POLA2: variants seen among roughly 807,000 people sequenced by gnomAD.
POLA2 encodes DNA polymerase alpha subunit B.
In POLA2, 47 loss-of-function variants were observed where a neutral mutation model predicts 82.8. That is an observed-to-expected ratio of 0.57 (90% CI 0.45 to 0.72). The LOEUF (loss-of-function observed/expected upper bound fraction) is 0.72, where lower values mean the gene tolerates loss of function less well. Among genes scored for constraint, POLA2 ranks in the 30% least tolerant of loss-of-function variants. The pLI, the probability that POLA2 is intolerant of heterozygous loss-of-function variation, is 0.00. For missense variants in POLA2, 634 were observed against 728.1 expected (o/e 0.87, Z 1.49); for synonymous variants, 287 against 286.8 (o/e 1.00, Z -0.01).
chr11:65,268,287 T>A (rs1949483620), intron 3 of POLA2, among the ~76,000 whole-genome samples: 1 of 151,668 alleles, frequency 6.6e-6, no homozygotes, highest in South Asian at 2.1e-4. Flanking sequence ...ATAGTAAAAA[T>A]TGCCTAATAT....
At chr11:65,279,392 GA>G (rs1949616142) in intron 6 of POLA2, 145 bp from the exon 7 acceptor site, 1 of 610,806 alleles carries the variant, frequency 1.6e-6, no homozygotes. Flanking sequence ...AAAGGTTTTA[GA>G]AGGTTTAAAC....
chr11:65,268,755 C>T, intron 4 of POLA2, 26 bp downstream of exon 4: 1 of 1,438,722 alleles, frequency 7.0e-7, no homozygotes, highest in Non-Finnish European at 9.5e-7. Flanking sequence ...TTGGACATTG[C>T]ATTTTACAAG....
chr11:65,278,691 A>G lies in POLA2; in HGVS notation c.462-39A>G, dbSNP rs773904163. On this transcript the variant is annotated intron_variant, in intron 5 of 17. Transcript: ENST00000265465. ...ATTTTATTCTTCTCTCCCTTTAGAT[A>G]TGAACACAGTAATATTAACCTGTTT... The G allele has an allele frequency of 2.0e-6, 3 of 1,520,894 alleles. No individual in the cohort carries two copies. In the Admixed American group the frequency reaches 5.3e-5, roughly 27 times the overall value. The allele number at this position is 1,520,894 out of a possible 1,614,324, so 94.2% of individuals were successfully genotyped here.
intron 7 of POLA2, 38 bp from the exon 8 acceptor site, chr11:65,280,952 CAA>C: frequency 1.9e-6 from 3 of 1,600,432 alleles, no homozygotes; most frequent in Non-Finnish European, 2.6e-6. Context: ...GCTCCTGCTC[CAA>C]AGACTGTCAT....
Position 65,287,769 on chromosome 11 carries a change from A to T in POLA2, c.1060A>T (p.Ser354Cys). 1 of 1,613,892 alleles carries T rather than the reference A, an allele frequency of 6.2e-7. No homozygotes were observed. The highest frequency in any genetic ancestry group is 8.5e-7 in the Non-Finnish European group (1 of 1,179,856). The change falls in exon 11 of 18, where the codon AGC becomes TGC. Residue 354 changes from serine to cysteine, a missense_variant. Physicochemically the swap from Ser to Cys is moderately radical, Grantham distance 112. Transcript: ENST00000265465. ...VACGPYTTSDSITYDPLLDLI... is the reference protein window; with the variant it reads ...VACGPYTTSDCITYDPLLDLI... Reference sequence around the variant, plus strand: ...CTGTGGACCATACACCACATCTGACAGCATCACGTATGACCCCCTGCTTGA... The same window carrying T: ...CTGTGGACCATACACCACATCTGACTGCATCACGTATGACCCCCTGCTTGA...
At chr11:65,299,839 C>T (rs1590914401), downstream of POLA2, among the ~76,000 whole-genome samples, 1 of 152,142 alleles carries the variant, frequency 6.6e-6, no homozygotes, top group Non-Finnish European at 1.5e-5. Flanking sequence ...TTACAGGCGC[C>T]TGCCACCACG....
Position 65,278,860 on chromosome 11 carries a change from T to A in POLA2, c.592T>A (p.Cys198Ser), listed in dbSNP as rs1410722464. The change falls in exon 6 of 18, where the codon TGT becomes AGT. Residue 198 changes from cysteine to serine, a missense_variant. Coordinates refer to ENST00000265465, the MANE Select transcript of POLA2 (RefSeq NM_002689.4). ...AAACATCAGCCTGAAGGTCTTGGGA[T>A]GTCCAGAGGCACTAACTGGGAGCTA... ...AGNISLKVLG[C>S]PEALTGSYKS... is the part of the protein sequence containing the mutation. 34 of 1,613,722 alleles carry A rather than the reference T, an allele frequency of 2.1e-5. No individual in the cohort carries two copies. Among genetic ancestry groups the A allele is most frequent in the Non-Finnish European group, 2.9e-5 (34 of 1,180,016 alleles).
At position 65,281,051 on chromosome 11, in the gene POLA2, G is replaced by C. The variant is rs771782918; in HGVS notation, c.804G>C (p.Lys268Asn). Residue 268 changes from lysine (K) to asparagine (N), a missense_variant, in exon 8 of 18, where the codon AAG becomes AAC. Lys to Asn is a moderately conservative substitution (Grantham distance 94). Transcript: ENST00000265465. ...GCDSNGKLNN[K>N]SVILEGDREH... ...ATAGCAACGGGAAGCTGAACAACAA[G>C]TCAGTGATTCTCGAGGGAGACCGGG... is the stretch of plus-strand genomic sequence containing the variant. The C allele has an allele frequency of 1.9e-6, 3 of 1,614,184 alleles. No homozygotes were observed. Among genetic ancestry groups the C allele is most frequent in the Non-Finnish European group, 2.5e-6 (3 of 1,180,018 alleles).
At chr11:65,265,240 G>A (rs114778641) in intron 1 of POLA2, among the ~76,000 whole-genome samples, 143 of 151,206 alleles carry the variant, frequency 9.5e-4, no homozygotes, top group African/African-American at 3.3e-3. Context: ...AAAAAAAAAG[G>A]GGGGGGGCCT....
chr11:65,271,097 CCTT>C lies in POLA2; in HGVS notation c.354+2369_354+2371del, dbSNP rs780324898. ...TTTTATTTTCTTGCTTTATTTTTCT[CCTT>C]ATTATTCTCTTGCTTTATTACCACC... On this transcript the variant is annotated intron_variant, in intron 4 of 17. Coordinates refer to ENST00000265465, the MANE Select transcript of POLA2 (RefSeq NM_002689.4). 4.6e-5 allele frequency among the ~76,000 whole-genome samples: 7 copies of C among 152,338 alleles called. No individual in the cohort carries two copies. The East Asian group carries it at 1.3e-3, about 29-fold the overall frequency.
Position 65,281,084 on chromosome 11 carries a change from C to G in POLA2, c.837C>G (p.Ser279=). 1 of 1,614,154 alleles carries G rather than the reference C, an allele frequency of 6.2e-7. No homozygotes were observed. The highest frequency in any genetic ancestry group is 8.5e-7 in the Non-Finnish European group (1 of 1,180,014). The change falls in exon 8 of 18, where the codon TCC becomes TCG. Residue 279 remains serine, a synonymous_variant. Coordinates refer to ENST00000265465, the MANE Select transcript of POLA2 (RefSeq NM_002689.4). ...TTCTCGAGGGAGACCGGGAACATTC[C>G]TCGGGTGCTCAAATTCCAGTGGATT... The part of the protein sequence containing the change: ...SVILEGDREH[S]SGAQIPVDLS...
At chr11:65,294,373 C>A in intron 14 of POLA2, 112 bp downstream of exon 14, 4 of 1,009,960 alleles carry the variant, frequency 4.0e-6, no homozygotes, top group Admixed American at 1.9e-5. Flanking sequence ...GTGCGTACAG[C>A]CTGAATCTTA....
Position 65,266,182 on chromosome 11 carries a change from T to G in POLA2, c.80-400T>G, listed in dbSNP as rs371907413. Among the ~76,000 whole-genome samples the G allele has an allele frequency of 6.6e-5, 10 of 152,312 alleles. No homozygotes were observed. The East Asian group carries it at 1.5e-3, about 23-fold the overall frequency. ...CTTCCTGTTGCACAGGCTAAAAATA[T>G]CAGCATCATCCTTGACTTTCTTTTT... On this transcript the variant is annotated intron_variant, in intron 1 of 17. Coordinates refer to ENST00000265465, the MANE Select transcript of POLA2 (RefSeq NM_002689.4).
At chr11:65,302,287 G>A (rs1023008663), downstream of POLA2, among the ~76,000 whole-genome samples, 8 of 152,204 alleles carry the variant, frequency 5.3e-5, no homozygotes, top group African/African-American at 1.9e-4. Context: ...CACCCAAAGA[G>A]TGAGAAAAGC....
At chr11:65,296,948 CAA>C (rs547282942) in intron 17 of POLA2, among the ~76,000 whole-genome samples, 170 bp from the exon 18 acceptor site, 21 of 58,004 alleles carry the variant, frequency 3.6e-4, no homozygotes, top group Admixed American at 2.0e-4. Context: ...GACTCCATCT[CAA>C]AAAAAAAAAA....
intron 1 of POLA2, among the ~76,000 whole-genome samples, chr11:65,264,213 T>C (rs1005100151): frequency 6.6e-6 from 1 of 151,934 alleles, no homozygotes; most frequent in African/African-American, 2.4e-5. Flanking sequence ...GATTACAGGC[T>C]CCCGCCACCA....
intron 14 of POLA2, 111 bp downstream of exon 14, chr11:65,294,372 G>T: frequency 9.9e-7 from 1 of 1,008,692 alleles, no homozygotes; most frequent in African/African-American, 1.6e-5. Flanking sequence ...TGTGCGTACA[G>T]CCTGAATCTT....
Position 65,289,838 on chromosome 11 carries a change from C to A in POLA2, c.1210C>A (p.Gln404Lys), listed in dbSNP as rs768561220. The change falls in exon 13 of 18, where the codon CAG becomes AAG. Residue 404 changes from glutamine to lysine, a missense_variant. By Grantham distance (53) the Gln-to-Lys change is moderately conservative. Coordinates refer to ENST00000265465, the MANE Select transcript of POLA2 (RefSeq NM_002689.4). ...LTSPFEDIFK[Q>K]CLRTIIEGTR... ...AAGTCCATTTGAAGACATTTTCAAG[C>A]AGTGTCTACGAACAATTATTGAAGG... The A allele has an allele frequency of 4.3e-6, 7 of 1,611,084 alleles. No individual in the cohort carries two copies. In the South Asian group the frequency reaches 4.4e-5, roughly 10 times the overall value.
chr11:65,274,329 G>A (rs557143133), intron 4 of POLA2, among the ~76,000 whole-genome samples: 10 of 150,998 alleles, frequency 6.6e-5, no homozygotes, highest in Admixed American at 2.0e-4. Flanking sequence ...ATCGCACATC[G>A]CACTCCAGCC....
Sources: gnomAD v4.1 joint callset for allele counts (sites outside exome capture counted in the v4.1 genomes callset) on GRCh38, gnomAD v4.1.1 for gene constraint, MANE v1.5 for transcripts, NCBI Gene and HGNC (gene_info 2026-07-23, HGNC 2026-07-21) for gene names.